The following ARID4B variants were observed in gnomAD, a reference collection of about 807,000 sequenced individuals.
ARID4B encodes AT-rich interactive domain-containing protein 4B.
Under a neutral mutation model 147.5 loss-of-function variants are expected in ARID4B, and 26 were observed. The ratio of observed to expected loss-of-function variants is 0.18; its 90% CI spans 0.13 to 0.24. ARID4B has a LOEUF of 0.24. Ranked by LOEUF, ARID4B falls within the 10% of genes least tolerant of loss-of-function variation. The pLI, the probability that ARID4B is intolerant of heterozygous loss-of-function variation, is 1.00. For missense variants in ARID4B, 1,179 were observed against 1,511.5 expected, an observed-to-expected ratio of 0.78 and a Z score of 3.65; for synonymous variants, 512 against 507.9, an observed-to-expected ratio of 1.01 and a Z score of -0.11.
chr1:235,189,985 T>G (rs948654184), intron 19 of ARID4B: 12 of 154,084 alleles, frequency 7.8e-5, no homozygotes, highest in Admixed American at 7.2e-4. Context: ...AAGACAGAAG[T>G]TGCTAGAATG....
At chr1:235,317,352 T>A (rs1057490421) in intron 2 of ARID4B, among the ~76,000 whole-genome samples, 50 of 152,258 alleles carry the variant, frequency 3.3e-4, no homozygotes, top group African/African-American at 1.2e-3. Context: ...CTATGGCTCC[T>A]CTCCTCTGAA....
chr1:235,321,640 C>G (rs928082827), intron 2 of ARID4B, among the ~76,000 whole-genome samples: 1 of 151,858 alleles, frequency 6.6e-6, no homozygotes, highest in African/African-American at 2.4e-5. Context: ...TACAGGCGCC[C>G]GCTACCAAGC....
chr1:235,238,409 A>T (rs1210585156), intron 8 of ARID4B, among the ~76,000 whole-genome samples: 2 of 152,242 alleles, frequency 1.3e-5, no homozygotes, highest in Non-Finnish European at 2.9e-5. Context: ...TACAAAACAG[A>T]GACAGAGAAT....
chr1:235,265,175 C>G (rs1670525742), intron 2 of ARID4B, among the ~76,000 whole-genome samples: 1 of 147,736 alleles, frequency 6.8e-6, no homozygotes, highest in South Asian at 2.2e-4. Flanking sequence ...ACCAGCCTGG[C>G]CAACATGGTG....
At chr1:235,305,231 G>A (rs542826182) in intron 2 of ARID4B, among the ~76,000 whole-genome samples, 2 of 152,232 alleles carry the variant, frequency 1.3e-5, no homozygotes, top group East Asian at 3.9e-4. Flanking sequence ...AGGCAAAGGA[G>A]GAAATACAGC....
intron 14 of ARID4B, 82 bp downstream of exon 14, chr1:235,221,479 ATAAT>A (rs931649370): frequency 2.6e-5 from 18 of 697,928 alleles, no homozygotes; most frequent in African/African-American, 1.1e-4. Flanking sequence ...CTTTAAAGAA[ATAAT>A]TAACCTCAGT....
At chr1:235,317,645 T>C (rs1021678731) in intron 2 of ARID4B, among the ~76,000 whole-genome samples, 1 of 152,194 alleles carries the variant, frequency 6.6e-6, no homozygotes, top group African/African-American at 2.4e-5. Flanking sequence ...ATCTGAATGC[T>C]GTCTCCAATT....
chr1:235,308,867 C>T (rs1410525248), intron 2 of ARID4B, among the ~76,000 whole-genome samples: 2 of 152,212 alleles, frequency 1.3e-5, no homozygotes, highest in East Asian at 3.9e-4. Flanking sequence ...TCCCAAAGTG[C>T]CGAGAGTGCA....
chr1:235,254,438 T>A (rs911479950), intron 5 of ARID4B, among the ~76,000 whole-genome samples: 9 of 151,808 alleles, frequency 5.9e-5, no homozygotes, highest in African/African-American at 1.7e-4. Flanking sequence ...TACATACTAC[T>A]GTAGGTGAAA....
At chr1:235,312,926 T>C (rs560293681) in intron 2 of ARID4B, among the ~76,000 whole-genome samples, 2 of 152,172 alleles carry the variant, frequency 1.3e-5, no homozygotes, top group South Asian at 2.1e-4. Context: ...TGAGCCAAGA[T>C]TGCACCACTG....
At chr1:235,187,553 TAGA>T (rs1477053101) in intron 19 of ARID4B, among the ~76,000 whole-genome samples, 1 of 152,208 alleles carries the variant, frequency 6.6e-6, no homozygotes, top group Non-Finnish European at 1.5e-5. Context: ...TGCCAGAATG[TAGA>T]AGATTATTCT....
chr1:235,172,579 A>G (rs1325525740), intron 23 of ARID4B, 39 bp downstream of exon 23: 1 of 1,312,644 alleles, frequency 7.6e-7, no homozygotes, highest in African/African-American at 1.5e-5. Context: ...CTCTGTCTCA[A>G]AATAAATAAA....
chr1:235,262,363 T>C lies in ARID4B; in HGVS notation c.7-1611A>G, dbSNP rs146231496. Reference sequence around the variant, plus strand: ...AAAAGTAAACTCAAAACATATCAGTTATACAATTTTTAAAATCAACTTAGG... The same window carrying C: ...AAAAGTAAACTCAAAACATATCAGTCATACAATTTTTAAAATCAACTTAGG... On this transcript the variant is annotated intron_variant, in intron 2 of 23. Transcript: ENST00000264183. Among the ~76,000 whole-genome samples the C allele has an allele frequency of 3.8e-3, 584 of 152,318 alleles. 5 individuals carry two copies. Among genetic ancestry groups the C allele is most frequent in the African/African-American group, 0.013 (559 of 41,580 alleles).
chr1:235,288,685 T>C (rs1319355875), intron 2 of ARID4B, among the ~76,000 whole-genome samples: 1 of 152,260 alleles, frequency 6.6e-6, no homozygotes, highest in African/African-American at 2.4e-5. Flanking sequence ...AACATATTCA[T>C]GCCAGCTTCC....
chr1:235,240,818 C>G (rs947128751), intron 7 of ARID4B, among the ~76,000 whole-genome samples: 3 of 152,020 alleles, frequency 2.0e-5, no homozygotes, highest in Admixed American at 2.0e-4. Flanking sequence ...ATTCTGGAGA[C>G]AGTAATTCTA....
At chr1:235,207,397 A>C (rs1666377207) in intron 17 of ARID4B, among the ~76,000 whole-genome samples, 1 of 152,244 alleles carries the variant, frequency 6.6e-6, no homozygotes, top group African/African-American at 2.4e-5. Flanking sequence ...GCACAGGTGC[A>C]GGCAAGGAGC....
chr1:235,257,724 GC>G (rs2103110609), intron 3 of ARID4B, among the ~76,000 whole-genome samples: 1 of 152,052 alleles, frequency 6.6e-6, no homozygotes, highest in South Asian at 2.1e-4. Context: ...CAAGTGATCC[GC>G]CCGCCTTGAC....
At chr1:235,237,482 T>A (rs899350541) in intron 8 of ARID4B, among the ~76,000 whole-genome samples, 1 of 152,222 alleles carries the variant, frequency 6.6e-6, no homozygotes, top group Non-Finnish European at 1.5e-5. Flanking sequence ...TTTTTCACTA[T>A]CATTACAAGA....
chr1:235,209,483 A>T (rs888822961), intron 17 of ARID4B, among the ~76,000 whole-genome samples: 5 of 152,044 alleles, frequency 3.3e-5, no homozygotes, highest in African/African-American at 1.2e-4. Context: ...AAAACAAACA[A>T]CAAACAAACA....
Sources: gnomAD v4.1 joint callset for allele counts (sites outside exome capture counted in the v4.1 genomes callset) on GRCh38, gnomAD v4.1.1 for gene constraint, MANE v1.5 for transcripts, NCBI Gene and HGNC (gene_info 2026-07-23, HGNC 2026-07-21) for gene names.